Variants in PSG3 observed in about 807,000 individuals in gnomAD.
PSG3 encodes the protein pregnancy-specific beta-1-glycoprotein 3.
Under a neutral mutation model 47.5 loss-of-function variants are expected in PSG3, and 61 were observed. That is an observed-to-expected ratio of 1.28 (90% CI 1.05 to 1.59). PSG3 has a LOEUF of 1.59. PSG3 is among the 40% of genes most tolerant of loss of function. The pLI, the probability that PSG3 is intolerant of heterozygous loss-of-function variation, is 0.00. For synonymous variants in PSG3, 263 were observed against 198.4 expected (o/e 1.33, Z -2.74); for missense variants, 756 against 524.0 (o/e 1.44, Z -4.32).
chr19:42,734,130 T>A (rs563199835), intron 2 of PSG3: 1 of 152,248 alleles, frequency 6.6e-6, no homozygotes, highest in Admixed American at 6.5e-5. Context: ...GGCGTTGTTC[T>A]GTGGGTGTGC....
At chr19:42,733,363 T>C (rs1969508904) in intron 2 of PSG3, 1 of 435,116 alleles carries the variant, frequency 2.3e-6, no homozygotes, top group Non-Finnish European at 3.9e-6. Flanking sequence ...AGTCCCTCCA[T>C]CTCGAAGTGC....
At chr19:42,738,512 T>C (rs1335864260) in intron 2 of PSG3, among the ~76,000 whole-genome samples, 1 of 152,206 alleles carries the variant, frequency 6.6e-6, no homozygotes, top group Non-Finnish European at 1.5e-5. Flanking sequence ...GTCCTTCCTC[T>C]GCAGCGAGTG....
intron 5 of PSG3, among the ~76,000 whole-genome samples, chr19:42,725,360 G>T (rs1969360188): frequency 6.6e-6 from 1 of 152,074 alleles, no homozygotes; most frequent in South Asian, 2.1e-4. Context: ...TTCAGGATAT[G>T]AAAGAAGAAC....
Position 42,729,931 on chromosome 19 carries a change from T to C in PSG3, c.835A>G (p.Ser279Gly), listed in dbSNP as rs765292045. 9 of 1,612,018 alleles carry C rather than the reference T, an allele frequency of 5.6e-6. No individual in the cohort carries two copies. The African/African-American group carries it at 1.2e-4, about 22-fold the overall frequency. ...TTTACCCTGGGACTGACCGGGAGGC[T>C]CTGACCATTTAGCCACCAAATGTAG... Reference protein sequence around the residue: ...YTYIWWLNGQSLPVSPRVKRP... With the variant: ...YTYIWWLNGQGLPVSPRVKRP... Residue 279 changes from serine (S) to glycine (G), a missense_variant, in exon 4 of 7, where the codon AGC (serine) becomes GGC (glycine). By Grantham distance (56) the Ser-to-Gly change is moderately conservative. Transcript: ENST00000327495.
Position 42,738,773 on chromosome 19 carries a change from T to A in PSG3, c.381A>T (p.Arg127=). Residue 127 remains arginine (R), a synonymous_variant, in exon 2 of 7, where the codon CGA becomes CGT. Transcript: ENST00000327495. ...AGSYTLHIVK[R]GDGTRGETGH... is the part of the protein sequence containing the mutation. ...CAGTTTCTCCTCTAGTCCCATCACC[T>A]CGCTTTACGATGTGTAAGGTGTAGG... 1 of 1,614,068 alleles carries A rather than the reference T, an allele frequency of 6.2e-7. No individual in the cohort carries two copies. Among genetic ancestry groups the A allele is most frequent in the Non-Finnish European group, 8.5e-7 (1 of 1,179,940 alleles).
chr19:42,722,207 A>T (rs886613761), intron 6 of PSG3, 117 bp from the exon 7 acceptor site: 1 of 397,222 alleles, frequency 2.5e-6, no homozygotes, highest in African/African-American at 2.1e-5. Flanking sequence ...CTATGATAAC[A>T]TATTTGATTT....
chr19:42,731,196 T>C (rs1000239652), intron 3 of PSG3, among the ~76,000 whole-genome samples: 6 of 152,230 alleles, frequency 3.9e-5, no homozygotes, highest in African/African-American at 1.4e-4. Flanking sequence ...TTGATGCCTA[T>C]AGTTCACACA....
In PSG3 at chr19:42,721,690, A is replaced by G. The variant is rs1969302328; in HGVS notation, c.*441T>C. On this transcript the variant is annotated 3_prime_UTR_variant, in exon 7 of 7. Coordinates refer to ENST00000327495, the MANE Select transcript of PSG3 (RefSeq NM_021016.4). Reference sequence around the variant, plus strand: ...TACCATAAACATATGAATACTCCTGAATAGTTTCCCAATTCTGGGGCACTT... The same window carrying G: ...TACCATAAACATATGAATACTCCTGGATAGTTTCCCAATTCTGGGGCACTT... 2.9e-6 allele frequency: 1 copy of G among 340,526 alleles called. No individual in the cohort carries two copies. The highest frequency in any genetic ancestry group is 5.3e-6 in the Non-Finnish European group (1 of 189,838). The allele number at this position is 340,526 out of a possible 1,614,324, so 21.1% of individuals were successfully genotyped here. A position where few individuals can be genotyped will look rare whatever the true frequency, so the allele number is the denominator to read the frequency against.
chr19:42,738,695 A>C, intron 2 of PSG3, 29 bp downstream of exon 2: 1 of 1,612,692 alleles, frequency 6.2e-7, no homozygotes, highest in Non-Finnish European at 8.5e-7. Context: ...CCATCCCCCA[A>C]CACCCAGTGA....
intron 3 of PSG3, chr19:42,732,359 G>A: frequency 3.5e-6 from 1 of 282,076 alleles, no homozygotes; most frequent in East Asian, 7.8e-5. Context: ...GTATGAGGAG[G>A]AAATGGTGGG....
At chr19:42,729,533 C>G (rs147091192) in intron 4 of PSG3, among the ~76,000 whole-genome samples, 156 bp from the exon 5 acceptor site, 1 of 152,180 alleles carries the variant, frequency 6.6e-6, no homozygotes, top group East Asian at 1.9e-4. Flanking sequence ...CTGAGGTATT[C>G]CCCTGTTTCT....
chr19:42,730,073 G>A lies in PSG3; in HGVS notation c.710-17C>T, dbSNP rs1056928710. ...GCAGCTTCGCTGTGTGGATAACAGA[G>A]AGAAGATTGTCCTGTGTGGCACCTT... On this transcript the variant is annotated splice_polypyrimidine_tract_variant and intron_variant, in intron 3 of 6. Transcript: ENST00000327495. 1 of 1,609,294 alleles carries A rather than the reference G, an allele frequency of 6.2e-7. No individual in the cohort carries two copies. Among genetic ancestry groups the A allele is most frequent in the Non-Finnish European group, 8.5e-7 (1 of 1,177,966 alleles).
At position 42,740,368 on chromosome 19, in the gene PSG3, G is replaced by T. The variant is rs902071756; in HGVS notation, c.17C>A (p.Ala6Asp). MGPLS[A>D]PPCTQRITWK... ...GGTGATGCGCTGTGTGCAGGGAGGGGCTGAGAGGGGCCCCATGGTCTCTGC... is the reference window on the plus strand; with the variant it reads ...GGTGATGCGCTGTGTGCAGGGAGGGTCTGAGAGGGGCCCCATGGTCTCTGC... The change falls in exon 1 of 7, where the codon GCC (alanine) becomes GAC (aspartate). Residue 6 changes from alanine (A) to aspartate (D), a missense_variant. Ala to Asp is a moderately radical substitution (Grantham distance 126). Transcript: ENST00000327495. 7 of 1,613,880 alleles carry T rather than the reference G, an allele frequency of 4.3e-6. No homozygotes were observed. Among genetic ancestry groups the T allele is most frequent in the Non-Finnish European group, 5.1e-6 (6 of 1,179,914 alleles).
chr19:42,732,660 C>T lies in PSG3; in HGVS notation c.709+124G>A, dbSNP rs1969491384. 4.4e-6 allele frequency: 7 copies of T among 1,607,784 alleles called. No homozygotes were observed. The South Asian group carries it at 6.6e-5, about 15-fold the overall frequency. On this transcript the variant is annotated intron_variant, in intron 3 of 6. Transcript: ENST00000327495. ...GTTTGCCTGGGGCAGAAAGTCATGG[C>T]CAGGTTTGATGTCCAGGGGTAAAGG...
In PSG3 at chr19:42,733,373, C is replaced by T. The variant is rs140506156; in HGVS notation, c.431-311G>A. On this transcript the variant is annotated intron_variant, in intron 2 of 6. Transcript: ENST00000327495. ...CTCTGAGTCCCTCCATCTCGAAGTG[C>T]CTGCCTGGCCCACCTTGTGGTCCTC... The T allele has an allele frequency of 4.0e-3, 1,604 of 398,644 alleles. 111 individuals are homozygous for T. The highest frequency in any genetic ancestry group is 0.031 in the African/African-American group (1,478 of 47,316). The allele number at this position is 398,644 out of a possible 1,614,324, so 24.7% of individuals were successfully genotyped here.
In PSG3 at chr19:42,730,004, A is replaced by C. The variant is rs778356884; in HGVS notation, c.762T>G (p.Asn254Lys). ...ITINNLNPRE[N>K]KDVLAFTCEP... ...CACAGGTGAAGGCTAAGACATCCTTATTCTCCCTGGGGTTTAAGTTGTTGA... is the reference window on the plus strand; with the variant it reads ...CACAGGTGAAGGCTAAGACATCCTTCTTCTCCCTGGGGTTTAAGTTGTTGA... The change falls in exon 4 of 7, where the codon AAT becomes AAG. Residue 254 changes from asparagine to lysine, a missense_variant. Transcript: ENST00000327495. The C allele has an allele frequency of 8.7e-6, 14 of 1,612,446 alleles. No individual in the cohort carries two copies. The highest frequency in any genetic ancestry group is 1.1e-5 in the South Asian group (1 of 90,996).
intron 2 of PSG3, among the ~76,000 whole-genome samples, chr19:42,735,290 A>G (rs1299408623): frequency 6.6e-6 from 1 of 152,166 alleles, no homozygotes; most frequent in Non-Finnish European, 1.5e-5. Flanking sequence ...CTATTGACAT[A>G]TCCTCAAGCT....
Position 42,729,481 on chromosome 19 carries a change from C to G in PSG3, c.989-104G>C, listed in dbSNP as rs189019853. On this transcript the variant is annotated intron_variant, in intron 4 of 6. Coordinates refer to ENST00000327495, the MANE Select transcript of PSG3 (RefSeq NM_021016.4). ...GACCCTCTGAGCCAAGACACACCCTCAAGTGCCAGCCAAACCCCCTCTATG... is the reference window on the plus strand; with the variant it reads ...GACCCTCTGAGCCAAGACACACCCTGAAGTGCCAGCCAAACCCCCTCTATG... 117 of 1,516,832 alleles carry G rather than the reference C, an allele frequency of 7.7e-5. 1 individual carries two copies. In the East Asian group the frequency reaches 1.9e-3, roughly 25 times the overall value. 94.0% of individuals were successfully genotyped at this position (1,516,832 alleles called of 1,614,324 possible).
At chr19:42,731,688 A>G (rs1446398603) in intron 3 of PSG3, among the ~76,000 whole-genome samples, 2 of 151,634 alleles carry the variant, frequency 1.3e-5, no homozygotes, top group South Asian at 4.2e-4. Flanking sequence ...GTTAGGTGTT[A>G]CATTGAATCC....
Sources: gnomAD v4.1 joint callset for allele counts (sites outside exome capture counted in the v4.1 genomes callset) on GRCh38, gnomAD v4.1.1 for gene constraint, MANE v1.5 for transcripts, NCBI Gene and HGNC (gene_info 2026-07-23, HGNC 2026-07-21) for gene names.